RYR2: variants seen among roughly 807,000 people sequenced by gnomAD.
RYR2 encodes ryanodine receptor 2, also known as cardiac muscle ryanodine receptor-calcium release channel.
RYR2 carries 227 observed loss-of-function variants against 601.1 expected under a neutral mutation model. The observed-to-expected ratio is 0.38, with a 90% CI of 0.34 to 0.42. RYR2 has a LOEUF of 0.42. Among genes scored for constraint, RYR2 ranks in the 10% least tolerant of loss-of-function variants. The probability of loss-of-function intolerance (pLI) is 1.00; values close to 1 mark genes in which losing one functional copy is unlikely to be tolerated. For synonymous variants in RYR2, 2,223 were observed against 2,175.1 expected (o/e 1.02, Z -0.61); for missense variants, 4,646 against 6,156.5 (o/e 0.75, Z 8.21).
At chr1:237,218,012 G>A (rs1048772837) in intron 1 of RYR2, among the ~76,000 whole-genome samples, 3 of 152,150 alleles carry the variant, frequency 2.0e-5, no homozygotes, top group Non-Finnish European at 4.4e-5. Context: ...ATATGCAGGG[G>A]TGGCTGTTCT....
In RYR2 at chr1:237,831,917, A is replaced by AT. The variant is rs922231107; in HGVS notation, c.14808+353dup. Among the ~76,000 whole-genome samples the AT allele has an allele frequency of 5.3e-4, 80 of 152,314 alleles. 1 individual carries two copies. Among genetic ancestry groups the AT allele is most frequent in the African/African-American group, 1.9e-3 (78 of 41,570 alleles). On this transcript the variant is annotated intron_variant, in intron 104 of 104. Transcript: ENST00000366574. The stretch of plus-strand genomic sequence containing the variant: ...AACTTCAAAGTATTATGTACAATGC[A>AT]TGTTAAATGCCTAAGGTGTTTAAGC...
intron 84 of RYR2, among the ~76,000 whole-genome samples, chr1:237,764,378 A>C (rs907494844): frequency 7.8e-6 from 1 of 127,510 alleles, no homozygotes; most frequent in African/African-American, 3.0e-5. Flanking sequence ...GGCTTACTTC[A>C]TGTCTACCAT....
Position 237,801,868 on chromosome 1 carries a change from T to C in RYR2, c.14103T>C (p.Ile4701=), listed in dbSNP as rs1367823440. 3 of 1,596,418 alleles carry C rather than the reference T, an allele frequency of 1.9e-6. No individual in the cohort carries two copies. The highest frequency in any genetic ancestry group is 1.7e-6 in the Non-Finnish European group (2 of 1,168,536). Residue 4701 remains isoleucine, a synonymous_variant, in exon 98 of 105, where the codon ATT becomes ATC. Transcript: ENST00000366574. Reference sequence around the variant, plus strand: ...TTTGTCATTGCAGACTGAACTCCATTGATGTGAAGTATCAGATGTGGAAAC... The same window carrying C: ...TTTGTCATTGCAGACTGAACTCCATCGATGTGAAGTATCAGATGTGGAAAC... ...DSSLSAVLNS[I]DVKYQMWKLG...
chr1:237,759,815 T>G lies in RYR2; in HGVS notation c.11365T>G (p.Phe3789Val), dbSNP rs1289609570. 1 of 1,613,276 alleles carries G rather than the reference T, an allele frequency of 6.2e-7. No individual in the cohort carries two copies. ...CCTCAAGGAGAAAAAGGATGTGGGC[T>G]TCTTTCAGAGCCTGGCCGGCCTGAT... ...DYLKEKKDVG[F>V]FQSLAGLMQS... Residue 3789 changes from phenylalanine (F) to valine (V), a missense_variant, in exon 83 of 105, where the codon TTC becomes GTC. Around this residue, in one of 17 missense-constraint regions of RYR2, gnomAD observed 1,497 missense variants for 1,842.6 expected, o/e 0.81. Coordinates refer to ENST00000366574, the MANE Select transcript of RYR2 (RefSeq NM_001035.3).
Position 237,715,006 on chromosome 1 carries a change from A to T in RYR2, c.10324-2192A>T, listed in dbSNP as rs1235243396. ...GACTCCATCTCAAAAAAAAAAAAAAAAAAAAAAAAAAAAAAAAGGGCTCAG... is the reference window on the plus strand; with the variant it reads ...GACTCCATCTCAAAAAAAAAAAAAATAAAAAAAAAAAAAAAAAGGGCTCAG... On this transcript the variant is annotated intron_variant, in intron 71 of 104. Coordinates refer to ENST00000366574, the MANE Select transcript of RYR2 (RefSeq NM_001035.3). 8.5e-5 allele frequency among the ~76,000 whole-genome samples: 11 copies of T among 129,934 alleles called. 1 individual carries two copies. In the South Asian group the frequency reaches 1.5e-3, roughly 17 times the overall value. 85.2% of individuals were successfully genotyped at this position (129,934 alleles called of 152,430 possible).
Position 237,548,445 on chromosome 1 carries a change from G to A in RYR2, c.2921G>A (p.Ser974Asn). The change falls in exon 26 of 105, where the codon AGT (serine) becomes AAT (asparagine). Residue 974 changes from serine (S) to asparagine (N), a missense_variant. By Grantham distance (46) the Ser-to-Asn change is conservative (BLOSUM62 1). Around this residue, in one of 17 missense-constraint regions of RYR2, gnomAD observed 1,807 missense variants for 2,088.1 expected, o/e 0.87. Transcript: ENST00000366574. Reference sequence around the variant, plus strand: ...CTGATTTGTAGTTACCAGCTGACAAGTGGATACAAGCCTGCCCCTATGGAC... The same window carrying A: ...CTGATTTGTAGTTACCAGCTGACAAATGGATACAAGCCTGCCCCTATGGAC... The part of the protein sequence containing the change: ...MKLPKNYQLT[S>N]GYKPAPMDLS... 1 of 1,613,826 alleles carries A rather than the reference G, an allele frequency of 6.2e-7. No homozygotes were observed. The highest frequency in any genetic ancestry group is 8.5e-7 in the Non-Finnish European group (1 of 1,179,826).
intron 101 of RYR2, among the ~76,000 whole-genome samples, chr1:237,821,450 G>T (rs555843571): frequency 6.6e-6 from 1 of 152,228 alleles, no homozygotes; most frequent in African/African-American, 2.4e-5. Flanking sequence ...TAGAAGGAAA[G>T]CTAACAAACA....
intron 1 of RYR2, among the ~76,000 whole-genome samples, chr1:237,190,700 G>A (rs1679880859): frequency 6.6e-6 from 1 of 152,214 alleles, no homozygotes. Flanking sequence ...ATGATTTAAA[G>A]TATACAGGAG....
At chr1:237,763,289 G>T (rs1693575610) in intron 84 of RYR2, among the ~76,000 whole-genome samples, 1 of 152,166 alleles carries the variant, frequency 6.6e-6, no homozygotes, top group Admixed American at 6.5e-5. Context: ...TCTCCCTGTG[G>T]CGTTTCTGTC....
At chr1:237,492,718 A>T (rs12022208) in intron 18 of RYR2, among the ~76,000 whole-genome samples, 2 of 151,510 alleles carry the variant, frequency 1.3e-5, no homozygotes, top group Non-Finnish European at 2.9e-5. Context: ...ATGCACCTAC[A>T]GAGGCTGAGG....
intron 2 of RYR2, among the ~76,000 whole-genome samples, chr1:237,317,946 C>T (rs1695267931): frequency 6.6e-6 from 1 of 152,104 alleles, no homozygotes; most frequent in Admixed American, 6.5e-5. Flanking sequence ...TTAGAACATA[C>T]ATATTTTGTG....
At chr1:237,820,741 C>T (rs895460823) in intron 101 of RYR2, among the ~76,000 whole-genome samples, 1 of 152,188 alleles carries the variant, frequency 6.6e-6, no homozygotes, top group Non-Finnish European at 1.5e-5. Flanking sequence ...CGGGTCCCAC[C>T]CCCACGGAGC....
intron 63 of RYR2, among the ~76,000 whole-genome samples, chr1:237,694,155 G>A (rs1257992759): frequency 2.6e-5 from 4 of 152,040 alleles, no homozygotes; most frequent in South Asian, 4.2e-4. Context: ...TTAGCCGGGC[G>A]TGGTGGCAGG....
At chr1:237,725,353 C>T (rs1690104498) in intron 74 of RYR2, among the ~76,000 whole-genome samples, 2 of 152,082 alleles carry the variant, frequency 1.3e-5, no homozygotes, top group Admixed American at 6.6e-5. Context: ...CCTTTAATAT[C>T]CCTCTGCTAA....
Position 237,631,613 on chromosome 1 carries a change from A to ATTTTTTTTTTTTTTTTTTTTTTTTTTTTT in RYR2, c.6555+76_6555+104dup, listed in dbSNP as rs556269614. On this transcript the variant is annotated intron_variant, in intron 42 of 104. Coordinates refer to ENST00000366574, the MANE Select transcript of RYR2 (RefSeq NM_001035.3). ...GTATATAGATTGATATAGAATGCAG[A>ATTTTTTTTTTTTTTTTTTTTTTTTTTTTT]TTTTTTTTTTTTTTTTTTTTTTTTT... The ATTTTTTTTTTTTTTTTTTTTTTTTTTTTT allele has an allele frequency of 1.6e-5, 3 of 191,282 alleles. No homozygotes were observed. The African/African-American group carries it at 2.1e-4, about 13-fold the overall frequency. The allele number at this position is 191,282 out of a possible 1,614,324, so 11.8% of individuals were successfully genotyped here. A position where few individuals can be genotyped will look rare whatever the true frequency, so the allele number is the denominator to read the frequency against.
At chr1:237,576,066 T>A (rs1247852454) in intron 29 of RYR2, among the ~76,000 whole-genome samples, 1 of 152,166 alleles carries the variant, frequency 6.6e-6, no homozygotes, top group Non-Finnish European at 1.5e-5. Flanking sequence ...CTGAGAAAAT[T>A]ATTAAAACTT....
rs141901658 is a variant in RYR2, at chr1:237,797,734, G to A, written c.13957-303G>A. On this transcript the variant is annotated intron_variant, in intron 96 of 104. Transcript: ENST00000366574. ...ACAAAGTATTAATTTAGTAAAGGTC[G>A]TTCTCATTCCATTTCCCTCCATTTC... Among the ~76,000 whole-genome samples, 213 of 152,276 alleles carry A rather than the reference G, an allele frequency of 1.4e-3. 1 individual carries two copies. The highest frequency in any genetic ancestry group is 4.7e-3 in the African/African-American group (197 of 41,560).
intron 10 of RYR2, among the ~76,000 whole-genome samples, chr1:237,404,717 A>T (rs542048501): frequency 1.4e-4 from 22 of 152,160 alleles, no homozygotes; most frequent in African/African-American, 5.1e-4. Flanking sequence ...TATGGCCCCT[A>T]ATCAGTTGAC....
At chr1:237,534,827 C>T (rs1668441132) in intron 25 of RYR2, among the ~76,000 whole-genome samples, 1 of 151,856 alleles carries the variant, frequency 6.6e-6, no homozygotes, top group African/African-American at 2.4e-5. Context: ...ATTTTGGTTT[C>T]ATTTATTTTA....
Sources: allele counts gnomAD v4.1 joint callset (sites outside exome capture counted in the v4.1 genomes callset), GRCh38; gene constraint gnomAD v4.1.1; regional missense constraint gnomAD v4.1.1; transcripts MANE v1.5; gene names NCBI Gene and HGNC (gene_info 2026-07-23, HGNC 2026-07-21).